Variants in PRRC1 observed in about 807,000 individuals in gnomAD.
PRRC1 encodes proline rich coiled-coil 1, also known as protein PRRC1.
Under a neutral mutation model 40.7 loss-of-function variants are expected in PRRC1, and 39 were observed. The ratio of observed to expected loss-of-function variants is 0.96; its 90% CI spans 0.74 to 1.25. PRRC1 has a LOEUF of 1.25. Ranked by LOEUF, PRRC1 falls within the 50% of genes most tolerant of loss-of-function variation. The pLI is 0.00. For synonymous variants in PRRC1, 175 were observed against 193.3 expected (o/e 0.91, Z 0.79); for missense variants, 573 against 548.3 (o/e 1.05, Z -0.45).
At chr5:127,548,243 T>C in intron 8 of PRRC1, 1 of 489,222 alleles carries the variant, frequency 2.0e-6, no homozygotes, top group Non-Finnish European at 3.6e-6. Flanking sequence ...CGCCTTTCGT[T>C]TGCTTTCCCT....
chr5:127,526,344 T>A (rs1272155939), intron 3 of PRRC1, among the ~76,000 whole-genome samples: 1 of 152,236 alleles, frequency 6.6e-6, no homozygotes, highest in South Asian at 2.1e-4. Flanking sequence ...GCCGTTCATA[T>A]CCAAGTGCTG....
At chr5:127,529,371 C>T (rs915011881) in intron 4 of PRRC1, among the ~76,000 whole-genome samples, 9 of 151,710 alleles carry the variant, frequency 5.9e-5, no homozygotes, top group Non-Finnish European at 1.2e-4. Context: ...TTTTTTTTTG[C>T]ATACAGACTA....
Position 127,517,701 on chromosome 5 carries a change from G to C in PRRC1, c.-96G>C, listed in dbSNP as rs1449237241. 6.6e-6 allele frequency: 1 copy of C among 152,136 alleles called. No homozygotes were observed. The highest frequency in any genetic ancestry group is 6.5e-5 in the Admixed American group (1 of 15,278). The allele number at this position is 152,136 out of a possible 1,614,324, so 9.4% of individuals were successfully genotyped here. On this transcript the variant is annotated 5_prime_UTR_variant, in exon 1 of 9. Transcript: ENST00000296666. ...GGTGCGCCTTCGTTGTCTTCTCCAA[G>C]CTGTAGTTCTACGTCCCGACCTCCC...
chr5:127,518,390 C>T (rs547494515), intron 1 of PRRC1, among the ~76,000 whole-genome samples: 3 of 152,350 alleles, frequency 2.0e-5, no homozygotes, highest in South Asian at 4.1e-4. Context: ...TTGGGACCTG[C>T]TTCAGGCAAA....
rs947789672 is a variant in PRRC1, at chr5:127,554,422, T to C, written c.*2506T>C. 7.2e-5 allele frequency: 11 copies of C among 152,230 alleles called. No individual in the cohort carries two copies. The highest frequency in any genetic ancestry group is 2.7e-4 in the African/African-American group (11 of 41,464). The allele number at this position is 152,230 out of a possible 1,614,324, so 9.4% of individuals were successfully genotyped here. A position where few individuals can be genotyped will look rare whatever the true frequency, so the allele number is the denominator to read the frequency against. On this transcript the variant is annotated 3_prime_UTR_variant, in exon 9 of 9. Transcript: ENST00000296666. ...CTGGTTGTTATTGGATTTTGTATTT[T>C]AATACAAATTATTGAATTTTATAAG...
At chr5:127,551,606 ATATT>A (rs1416957206) in intron 8 of PRRC1, 97 bp from the exon 9 acceptor site, 3 of 1,214,398 alleles carry the variant, frequency 2.5e-6, no homozygotes, top group Non-Finnish European at 3.5e-6. Flanking sequence ...GTCATAATCT[ATATT>A]TAAAATAACA....
At chr5:127,544,850 CA>C (rs1768168409) in intron 7 of PRRC1, among the ~76,000 whole-genome samples, 2 of 152,348 alleles carry the variant, frequency 1.3e-5, no homozygotes, top group South Asian at 4.1e-4. Flanking sequence ...GGCAATGCCT[CA>C]CCCTGCTTCG....
chr5:127,548,517 A>G (rs1171889794), intron 8 of PRRC1: 2 of 150,476 alleles, frequency 1.3e-5, no homozygotes, highest in East Asian at 3.9e-4. Flanking sequence ...GAATATAAAT[A>G]TATACTTGCA....
chr5:127,550,421 A>G (rs1021393337), intron 8 of PRRC1: 12 of 152,188 alleles, frequency 7.9e-5, no homozygotes, highest in African/African-American at 2.9e-4. Context: ...TTATCAGTAT[A>G]TATTAGTAAA....
chr5:127,520,263 C>T (rs1448209142), intron 1 of PRRC1, among the ~76,000 whole-genome samples: 4 of 152,210 alleles, frequency 2.6e-5, no homozygotes, highest in Non-Finnish European at 5.9e-5. Flanking sequence ...GCCCTTCCCA[C>T]TATGAAAATC....
intron 1 of PRRC1, among the ~76,000 whole-genome samples, chr5:127,523,031 C>G (rs747170553): frequency 5.3e-5 from 8 of 151,980 alleles, no homozygotes; most frequent in Non-Finnish European, 1.2e-4. Flanking sequence ...CCAGGCTTGT[C>G]TACAACTCCT....
intron 1 of PRRC1, among the ~76,000 whole-genome samples, chr5:127,521,219 C>T (rs1470101794): frequency 6.6e-6 from 1 of 152,044 alleles, no homozygotes; most frequent in Admixed American, 6.5e-5. Flanking sequence ...GTAAACAATC[C>T]CCTTCTAGCC....
chr5:127,547,772 G>GT, intron 7 of PRRC1, 47 bp from the exon 8 acceptor site: 8 of 1,303,722 alleles, frequency 6.1e-6, no homozygotes, highest in Non-Finnish European at 8.8e-6. Context: ...TTCATGATAA[G>GT]TTTTATTTGG....
Position 127,524,864 on chromosome 5 carries a change from C to G in PRRC1, c.437C>G (p.Ala146Gly). 6.2e-7 allele frequency: 1 copy of G among 1,614,052 alleles called. No homozygotes were observed. The highest frequency in any genetic ancestry group is 8.5e-7 in the Non-Finnish European group (1 of 1,179,926). Reference protein sequence around the residue: ...GSTYDITRGHAGRAPQTPLMP... With the variant: ...GSTYDITRGHGGRAPQTPLMP... ...ACTTATGACATTACAAGGGGACATG[C>G]TGGGAGAGCTCCCCAGACACCCCTG... is the stretch of plus-strand genomic sequence containing the variant. The change falls in exon 3 of 9, where the codon GCT (alanine) becomes GGT (glycine). Residue 146 changes from alanine to glycine, a missense_variant. Transcript: ENST00000296666.
chr5:127,536,397 C>T (rs1259766779), intron 6 of PRRC1, among the ~76,000 whole-genome samples: 2 of 151,996 alleles, frequency 1.3e-5, no homozygotes, highest in African/African-American at 2.4e-5. Flanking sequence ...AGCATTCATA[C>T]GGGCGATTTT....
rs529969124 is a variant in PRRC1 at position 127,537,295 on chromosome 5, A to T, written c.922-1745A>T. ...AATGATTATTTTAATATGGTCTCTA[A>T]ACTACCTAATTCTTGATCTCTTATA... is the stretch of plus-strand genomic sequence containing the variant. On this transcript the variant is annotated intron_variant, in intron 6 of 8. Coordinates refer to ENST00000296666, the MANE Select transcript of PRRC1 (RefSeq NM_130809.5). 6.6e-5 allele frequency among the ~76,000 whole-genome samples: 10 copies of T among 151,978 alleles called. No homozygotes were observed. In the South Asian group the frequency reaches 1.5e-3, roughly 22 times the overall value.
rs11395244 is a variant in PRRC1, at chr5:127,527,757, CAAA to C, written c.654+998_654+1000del. Among the ~76,000 whole-genome samples the C allele has an allele frequency of 1.1e-4, 9 of 80,258 alleles. No homozygotes were observed. The East Asian group carries it at 1.8e-3, about 16-fold the overall frequency. 52.7% of individuals were successfully genotyped at this position (80,258 alleles called of 152,430 possible). On this transcript the variant is annotated intron_variant, in intron 4 of 8. Transcript: ENST00000296666. ...TAAGTGACAGAGTGAGACACTGTCT[CAAA>C]AAAAAAAAAAAAAAAAAACCAAAAA...
intron 2 of PRRC1, 39 bp downstream of exon 2, chr5:127,523,621 T>C: frequency 8.1e-7 from 1 of 1,229,202 alleles, no homozygotes; most frequent in African/African-American, 1.5e-5. Flanking sequence ...GTTTTGAGAA[T>C]AGTGAAGATA....
chr5:127,550,203 T>C (rs1768339827), intron 8 of PRRC1: 1 of 152,146 alleles, frequency 6.6e-6, no homozygotes, highest in Non-Finnish European at 1.5e-5. Context: ...TTTACTTTGC[T>C]TTTTATTCTG....
Sources: allele counts gnomAD v4.1 joint callset (sites outside exome capture counted in the v4.1 genomes callset), GRCh38; gene constraint gnomAD v4.1.1; transcripts MANE v1.5; gene names NCBI Gene and HGNC (gene_info 2026-07-23, HGNC 2026-07-21).